Variants in EXOC4 observed in about 807,000 individuals in gnomAD.
The protein encoded by EXOC4 is exocyst complex component 4.
Under a neutral mutation model 107.2 loss-of-function variants are expected in EXOC4, and 71 were observed. That is an observed-to-expected ratio of 0.66 (90% CI 0.55 to 0.81). The LOEUF is 0.81. Ranked by LOEUF, EXOC4 falls within the 30% of genes least tolerant of loss-of-function variation. The pLI is 0.00. For synonymous variants in EXOC4, 456 were observed against 441.2 expected, an observed-to-expected ratio of 1.03 and a Z score of -0.42; for missense variants, 1,108 against 1,189.6, an observed-to-expected ratio of 0.93 and a Z score of 1.01.
At chr7:134,056,982 C>T (rs1254335566) in intron 17 of EXOC4, among the ~76,000 whole-genome samples, 4 of 152,158 alleles carry the variant, frequency 2.6e-5, no homozygotes, top group East Asian at 3.8e-4. Context: ...TGTCAGGATA[C>T]GTTCCTGAGA....
At chr7:133,281,361 GA>G (rs777854537) in intron 2 of EXOC4, among the ~76,000 whole-genome samples, 259 of 134,510 alleles carry the variant, frequency 1.9e-3, no homozygotes, top group Non-Finnish European at 2.8e-3. Context: ...TAAAAGTCCA[GA>G]AAAAAAAAAA....
At chr7:133,970,663 C>T (rs1215026722) in intron 14 of EXOC4, among the ~76,000 whole-genome samples, 3 of 152,142 alleles carry the variant, frequency 2.0e-5, no homozygotes, top group African/African-American at 4.8e-5. Context: ...GCTCACCCTC[C>T]GTGGGCTGCA....
chr7:133,817,684 G>A, intron 11 of EXOC4, 140 bp downstream of exon 11: 1 of 618,460 alleles, frequency 1.6e-6, no homozygotes, highest in Non-Finnish European at 2.8e-6. Flanking sequence ...TAGGCACTAG[G>A]GAAATTTAGA....
chr7:134,085,376 A>G, the EXOC4 span, among the ~76,000 whole-genome samples: 1 of 152,206 alleles, frequency 6.6e-6, no homozygotes, highest in Admixed American at 6.5e-5. Flanking sequence ...GAAATTAACC[A>G]AAGGCTTGCA....
chr7:133,634,126 T>TCTCCTTTCATAAAATTATTATAA (rs1395831123), intron 10 of EXOC4, among the ~76,000 whole-genome samples: 2 of 152,186 alleles, frequency 1.3e-5, no homozygotes, highest in Admixed American at 1.3e-4. Flanking sequence ...TCGTTTTTAC[T>TCTCCTTTCATAAAATTATTATAA]CTCCTTTCAT....
Position 133,508,091 on chromosome 7 carries a change from T to G in EXOC4, c.1417+27953T>G, listed in dbSNP as rs993744689. On this transcript the variant is annotated intron_variant, in intron 9 of 17. Transcript: ENST00000253861. The stretch of plus-strand genomic sequence containing the variant: ...AAAAGAAAAGAAAAGAAAAGAAAAA[T>G]CAGTAACAAATACACAGATTTTTTT... Among the ~76,000 whole-genome samples the G allele has an allele frequency of 2.0e-5, 3 of 151,438 alleles. No homozygotes were observed. In the East Asian group the frequency reaches 5.8e-4, roughly 29 times the overall value.
rs1176050572 is a variant in EXOC4, at chr7:133,260,414, T to C, written c.86+7227T>C. 3.2e-4 allele frequency among the ~76,000 whole-genome samples: 48 copies of C among 152,040 alleles called. 1 individual carries two copies. ...TCAGCCTCCTGAGTAGCTGGGATTA[T>C]AGGCGTGCGCCACCACACCCGGCTA... is the stretch of plus-strand genomic sequence containing the variant. On this transcript the variant is annotated intron_variant, in intron 1 of 17. Coordinates refer to ENST00000253861, the MANE Select transcript of EXOC4 (RefSeq NM_021807.4).
chr7:133,313,505 T>TA (rs1794923578), intron 4 of EXOC4, among the ~76,000 whole-genome samples: 1 of 152,224 alleles, frequency 6.6e-6, no homozygotes, highest in Non-Finnish European at 1.5e-5. Context: ...ATTTACAACT[T>TA]AAAGTTCAAC....
intron 2 of EXOC4, among the ~76,000 whole-genome samples, chr7:133,275,808 A>AT: frequency 6.7e-6 from 1 of 149,918 alleles, no homozygotes; most frequent in South Asian, 2.1e-4. Context: ...TATGAGAACA[A>AT]TTTTTTTCTT....
chr7:133,648,982 C>T (rs1444237863), intron 10 of EXOC4, among the ~76,000 whole-genome samples: 3 of 152,112 alleles, frequency 2.0e-5, no homozygotes, highest in African/African-American at 7.2e-5. Context: ...TTAATTTTGT[C>T]GATGGTGGAT....
Position 134,033,832 on chromosome 7 carries a change from A to G in EXOC4, c.2687+25997A>G, listed in dbSNP as rs370587904. Among the ~76,000 whole-genome samples the G allele has an allele frequency of 7.2e-5, 11 of 152,348 alleles. No homozygotes were observed. In the East Asian group the frequency reaches 1.2e-3, roughly 16 times the overall value. On this transcript the variant is annotated intron_variant, in intron 17 of 17. Transcript: ENST00000253861. ...TCAGCTGGTATCAGACTTATGATCA[A>G]TAGCACTAAGTGCTAAGAAATAATG...
chr7:133,493,862 G>A (rs946016665), intron 9 of EXOC4, among the ~76,000 whole-genome samples: 16 of 152,150 alleles, frequency 1.1e-4, no homozygotes, highest in African/African-American at 3.9e-4. Flanking sequence ...ATTCACCCCA[G>A]AGATAAATAT....
At chr7:133,635,395 T>G (rs1802684132) in intron 10 of EXOC4, among the ~76,000 whole-genome samples, 3 of 152,198 alleles carry the variant, frequency 2.0e-5, no homozygotes, top group Admixed American at 6.5e-5. Context: ...TTCTTTATTC[T>G]CTCCAAGTCT....
intron 3 of EXOC4, among the ~76,000 whole-genome samples, chr7:133,292,082 CG>C (rs1194450394): frequency 2.6e-5 from 4 of 152,154 alleles, no homozygotes; most frequent in Non-Finnish European, 5.9e-5. Flanking sequence ...TGGTGGCCCA[CG>C]CCTGTAATCC....
chr7:133,439,896 A>G (rs904937057), intron 7 of EXOC4, among the ~76,000 whole-genome samples: 1 of 152,214 alleles, frequency 6.6e-6, no homozygotes, highest in Non-Finnish European at 1.5e-5. Flanking sequence ...ACTATAACTC[A>G]TTGGGTAACT....
At chr7:133,973,165 A>G (rs1413839440) in intron 14 of EXOC4, among the ~76,000 whole-genome samples, 3 of 152,196 alleles carry the variant, frequency 2.0e-5, no homozygotes, top group Admixed American at 2.0e-4. Context: ...CTCTGCCTAC[A>G]GGGAGTTTAA....
At chr7:133,909,806 G>A (rs892864434) in intron 12 of EXOC4, among the ~76,000 whole-genome samples, 7 of 152,072 alleles carry the variant, frequency 4.6e-5, no homozygotes, top group African/African-American at 1.7e-4. Flanking sequence ...GGTTTAAATA[G>A]GGAGTCATCT....
chr7:133,821,615 A>G (rs1342151795), intron 11 of EXOC4, among the ~76,000 whole-genome samples: 5 of 152,202 alleles, frequency 3.3e-5, no homozygotes, highest in Non-Finnish European at 5.9e-5. Flanking sequence ...AAAAGTATCA[A>G]TGTGCAACTG....
intron 7 of EXOC4, among the ~76,000 whole-genome samples, chr7:133,439,098 C>T (rs1798041731): frequency 6.6e-6 from 1 of 150,726 alleles, no homozygotes; most frequent in African/African-American, 2.4e-5. Flanking sequence ...CTGTTCCTTT[C>T]AGTCAGTATT....
Sources: gnomAD v4.1 joint callset for allele counts (sites outside exome capture counted in the v4.1 genomes callset) on GRCh38, gnomAD v4.1.1 for gene constraint, MANE v1.5 for transcripts, NCBI Gene and HGNC (gene_info 2026-07-23, HGNC 2026-07-21) for gene names.